Variants in SYNPR observed in about 807,000 individuals in gnomAD.
The protein encoded by SYNPR is synaptoporin.
A neutral mutation model predicts 32.9 loss-of-function variants in SYNPR; 23 were observed. The observed-to-expected ratio is 0.70, with a 90% CI of 0.50 to 0.99. The LOEUF is 0.99. Ranked by LOEUF, SYNPR falls within the 50% of genes least tolerant of loss-of-function variation. The pLI, the probability that SYNPR is intolerant of heterozygous loss-of-function variation, is 0.00. For synonymous variants in SYNPR, 146 were observed against 135.9 expected, an observed-to-expected ratio of 1.07 and a Z score of -0.52; for missense variants, 318 against 349.3, an observed-to-expected ratio of 0.91 and a Z score of 0.71.
chr3:63,496,060 T>C (rs925238421), intron 3 of SYNPR, among the ~76,000 whole-genome samples: 2 of 152,240 alleles, frequency 1.3e-5, no homozygotes, highest in Admixed American at 6.5e-5. Context: ...AGAGGGGTTA[T>C]ATGGGAACTC....
chr3:63,524,628 T>A (rs1285721168), intron 3 of SYNPR, among the ~76,000 whole-genome samples: 1 of 152,124 alleles, frequency 6.6e-6, no homozygotes, highest in Admixed American at 6.6e-5. Flanking sequence ...TGAATAGCAG[T>A]CTGGGAAAGC....
chr3:63,209,217 T>C, the SYNPR span, among the ~76,000 whole-genome samples: 2 of 150,046 alleles, frequency 1.3e-5, no homozygotes, highest in Admixed American at 6.7e-5. Context: ...GCTCATAAGG[T>C]TGAGGCAGGA....
intron 2 of SYNPR, among the ~76,000 whole-genome samples, chr3:63,450,772 G>A (rs978180821): frequency 6.6e-6 from 1 of 152,180 alleles, no homozygotes; most frequent in African/African-American, 2.4e-5. Context: ...ATGCTCCTGA[G>A]CTTGGATAGA....
Position 63,392,992 on chromosome 3 carries a change from T to C in SYNPR, c.85-87840T>C, listed in dbSNP as rs185950244. Among the ~76,000 whole-genome samples, 649 of 152,316 alleles carry C rather than the reference T, an allele frequency of 4.3e-3. 3 individuals are homozygous for C. Among genetic ancestry groups the C allele is most frequent in the Non-Finnish European group, 7.1e-3 (483 of 68,028 alleles). On this transcript the variant is annotated intron_variant, in intron 2 of 5. Transcript: ENST00000478300. ...ATTTTCCCATTTCTGTACATACCTA[T>C]GGCCGTGGAAAACTAAATGGTGTGG...
intron 2 of SYNPR, among the ~76,000 whole-genome samples, chr3:63,377,396 A>T (rs1320093054): frequency 6.6e-6 from 1 of 152,086 alleles, no homozygotes. Flanking sequence ...AGATAAGAAA[A>T]GAAGCCTTAT....
intron 2 of SYNPR, among the ~76,000 whole-genome samples, chr3:63,417,348 C>A (rs769214971): frequency 6.6e-6 from 1 of 152,250 alleles, no homozygotes; most frequent in Non-Finnish European, 1.5e-5. Flanking sequence ...AAGCTCCGCC[C>A]CTGTGGCTTT....
chr3:63,578,814 G>A (rs953697687), intron 4 of SYNPR, among the ~76,000 whole-genome samples: 1 of 152,150 alleles, frequency 6.6e-6, no homozygotes, highest in African/African-American at 2.4e-5. Flanking sequence ...AGAACTTGTA[G>A]AGTTCAGCAA....
intron 2 of SYNPR, among the ~76,000 whole-genome samples, chr3:63,422,576 C>A (rs1405265611): frequency 5.3e-5 from 8 of 152,056 alleles, no homozygotes; most frequent in Non-Finnish European, 2.9e-5. Flanking sequence ...GTTTGTTATA[C>A]ATCAGTTATG....
Position 63,239,172 on chromosome 3 carries a change from G to T in SYNPR, n.66+10792G>T, listed in dbSNP as rs151072832. Among the ~76,000 whole-genome samples, 422 of 152,068 alleles carry T rather than the reference G, an allele frequency of 2.8e-3. 1 individual carries two copies. Among genetic ancestry groups the T allele is most frequent in the African/African-American group, 9.5e-3 (396 of 41,508 alleles). ...AGATGTGGATTCAACATATGTCTTTGCTGACATTTTCATCTAACACTCTGG... is the reference window on the plus strand; with the variant it reads ...AGATGTGGATTCAACATATGTCTTTTCTGACATTTTCATCTAACACTCTGG... On this transcript the variant is annotated intron_variant and non_coding_transcript_variant, in intron 1 of 4. Coordinates refer to the SYNPR transcript ENST00000478456.
Position 63,330,841 on chromosome 3 carries a change from T to G in SYNPR, c.84+52099T>G, listed in dbSNP as rs143480272. Among the ~76,000 whole-genome samples the G allele has an allele frequency of 1.4e-3, 212 of 152,260 alleles. 1 individual carries two copies. Among genetic ancestry groups the G allele is most frequent in the African/African-American group, 5.0e-3 (207 of 41,552 alleles). On this transcript the variant is annotated intron_variant, in intron 2 of 5. Transcript: ENST00000478300. ...AGAGCTAGCTATGGGAGTCTAGGAA[T>G]GGAACAGATGCTCTTGATGATCCAC... is the stretch of plus-strand genomic sequence containing the variant.
intron 2 of SYNPR, among the ~76,000 whole-genome samples, chr3:63,262,293 GC>G (rs1359081174): frequency 6.6e-6 from 1 of 152,140 alleles, no homozygotes; most frequent in Non-Finnish European, 1.5e-5. Context: ...GACCATGCTG[GC>G]CACAGCTTGC....
At chr3:63,511,215 G>A (rs887005974) in intron 3 of SYNPR, among the ~76,000 whole-genome samples, 5 of 152,028 alleles carry the variant, frequency 3.3e-5, no homozygotes, top group African/African-American at 1.2e-4. Context: ...ACGGGCTGGG[G>A]TGCTCAGAGG....
chr3:63,437,694 A>T (rs1188417460), intron 2 of SYNPR, among the ~76,000 whole-genome samples: 1 of 151,848 alleles, frequency 6.6e-6, no homozygotes, highest in Non-Finnish European at 1.5e-5. Context: ...AGAAAGAAGA[A>T]AGAGAAAGAA....
chr3:63,204,177 A>G, the SYNPR span, among the ~76,000 whole-genome samples: 3 of 152,160 alleles, frequency 2.0e-5, no homozygotes, highest in Non-Finnish European at 4.4e-5. Context: ...ATTGCCACAA[A>G]CCAGGTGGAT....
At chr3:63,275,577 A>T (rs1209323413), upstream of SYNPR, among the ~76,000 whole-genome samples, 1 of 152,222 alleles carries the variant, frequency 6.6e-6, no homozygotes, top group Non-Finnish European at 1.5e-5. Context: ...CTCTGTGCCA[A>T]GTTTTCAATT....
chr3:63,364,799 T>C (rs1319975986), intron 2 of SYNPR, among the ~76,000 whole-genome samples: 1 of 152,176 alleles, frequency 6.6e-6, no homozygotes, highest in Non-Finnish European at 1.5e-5. Context: ...TTGGAGATTA[T>C]GATTCAGTAG....
intron 4 of SYNPR, among the ~76,000 whole-genome samples, chr3:63,576,582 G>A (rs907571933): frequency 2.0e-5 from 3 of 151,992 alleles, no homozygotes; most frequent in African/African-American, 7.3e-5. Flanking sequence ...ACGAGGTCAG[G>A]AGATCGAGAA....
chr3:63,235,181 A>T (rs952926835), intron 1 of SYNPR, among the ~76,000 whole-genome samples: 6 of 152,182 alleles, frequency 3.9e-5, no homozygotes, highest in Non-Finnish European at 8.8e-5. Context: ...GAGATACTGA[A>T]TAGCACCAAC....
chr3:63,570,391 C>T (rs1702864023), intron 4 of SYNPR, among the ~76,000 whole-genome samples: 1 of 152,196 alleles, frequency 6.6e-6, no homozygotes, highest in Admixed American at 6.5e-5. Flanking sequence ...CTCCTCACAT[C>T]AGCATTCAAG....
Sources: gnomAD v4.1 joint callset for allele counts (sites outside exome capture counted in the v4.1 genomes callset) on GRCh38, gnomAD v4.1.1 for gene constraint, MANE v1.5 for transcripts, NCBI Gene and HGNC (gene_info 2026-07-23, HGNC 2026-07-21) for gene names.